The following DCC variants were observed in gnomAD, a reference collection of about 807,000 sequenced individuals.
The protein encoded by DCC is netrin receptor DCC.
DCC carries 58 observed loss-of-function variants against 172.5 expected under a neutral mutation model. The observed-to-expected ratio is 0.34, with a 90% CI of 0.27 to 0.42. The LOEUF is 0.42. DCC is among the 10% of genes least tolerant of loss of function. The pLI is 1.00. For synonymous variants in DCC, 709 were observed against 644.5 expected, an observed-to-expected ratio of 1.10 and a Z score of -1.52; for missense variants, 1,740 against 1,791.0, an observed-to-expected ratio of 0.97 and a Z score of 0.51.
intron 5 of DCC, among the ~76,000 whole-genome samples, chr18:52,943,996 G>T (rs1365124238): frequency 7.2e-5 from 11 of 152,128 alleles, no homozygotes; most frequent in Admixed American, 7.2e-4. Context: ...AACCTCAAGT[G>T]ATCTGCCTTC....
chr18:52,625,155 GATA>G (rs1313382435), intron 1 of DCC, among the ~76,000 whole-genome samples: 2 of 152,082 alleles, frequency 1.3e-5, no homozygotes, highest in Admixed American at 6.5e-5. Flanking sequence ...AAAAATACAT[GATA>G]ATAATCTTAT....
chr18:53,108,717 C>G (rs1025509329), intron 7 of DCC, among the ~76,000 whole-genome samples: 1 of 151,448 alleles, frequency 6.6e-6, no homozygotes, highest in South Asian at 2.1e-4. Context: ...GCCTTTTTTT[C>G]TGGGCATTCT....
intron 1 of DCC, among the ~76,000 whole-genome samples, chr18:52,715,477 A>G (rs1211028666): frequency 6.6e-6 from 1 of 151,864 alleles, no homozygotes; most frequent in Non-Finnish European, 1.5e-5. Context: ...TTTTTTAAAT[A>G]TATTTTTAGT....
chr18:53,464,747 G>A (rs1402903920), intron 24 of DCC, among the ~76,000 whole-genome samples: 8 of 151,760 alleles, frequency 5.3e-5, no homozygotes, highest in Admixed American at 2.0e-4. Context: ...TTGGGAGGCC[G>A]AGGTGTGCGG....
intron 1 of DCC, among the ~76,000 whole-genome samples, chr18:52,695,114 TCTCTTTTCTTGC>T (rs2035991792): frequency 6.6e-6 from 1 of 152,182 alleles, no homozygotes; most frequent in Non-Finnish European, 1.5e-5. Flanking sequence ...ATTTCGTAGG[TCTCTTTTCTTGC>T]CTCTCATTCT....
intron 1 of DCC, among the ~76,000 whole-genome samples, chr18:52,629,463 G>T (rs1360468607): frequency 6.6e-6 from 1 of 152,050 alleles, no homozygotes. Flanking sequence ...GGTGGATTAG[G>T]GGGAGCAACT....
chr18:52,633,890 T>TGTAAC (rs1487690140), intron 1 of DCC, among the ~76,000 whole-genome samples: 1 of 152,216 alleles, frequency 6.6e-6, no homozygotes, highest in African/African-American at 2.4e-5. Context: ...AAGAGAGTGC[T>TGTAAC]GTAACGCTAG....
At chr18:53,494,990 A>C (rs2879567) in intron 26 of DCC, among the ~76,000 whole-genome samples, 50,972 of 152,032 alleles carry the variant, frequency 0.34, 10,638 homozygotes, top group Non-Finnish European at 0.48. Context: ...CTTGTAAGGC[A>C]GGCCTGGTGG....
At chr18:53,156,344 C>T (rs537431761) in intron 7 of DCC, among the ~76,000 whole-genome samples, 5 of 151,642 alleles carry the variant, frequency 3.3e-5, no homozygotes, top group South Asian at 2.1e-4. Flanking sequence ...ATTAGCCAGG[C>T]GTGGGGGCAC....
rs572822462 is a variant in DCC at position 53,026,134 on chromosome 18, C to T, written c.986-37171C>T. On this transcript the variant is annotated intron_variant, in intron 5 of 28. Coordinates refer to ENST00000442544, the MANE Select transcript of DCC (RefSeq NM_005215.4). ...TGAAGTCCTCCCCTACTCCATAAGTCTATGGAGAATTTTTATTAGTGTAAT... is the reference window on the plus strand; with the variant it reads ...TGAAGTCCTCCCCTACTCCATAAGTTTATGGAGAATTTTTATTAGTGTAAT... Among the ~76,000 whole-genome samples the T allele has an allele frequency of 4.0e-5, 6 of 151,808 alleles. No homozygotes were observed. The Middle Eastern group carries it at 0.017, about 433-fold the overall frequency.
Position 52,844,768 on chromosome 18 carries a change from AGTCTTGT to A in DCC, c.413-61274_413-61268del, listed in dbSNP as rs202048344. ...TATATTGCTTCTTTTATTCATGACC[AGTCTTGT>A]GAACTTAGAGAAAGGTAGGGCTTCC... is the stretch of plus-strand genomic sequence containing the variant. On this transcript the variant is annotated intron_variant, in intron 2 of 28. Coordinates refer to ENST00000442544, the MANE Select transcript of DCC (RefSeq NM_005215.4). Among the ~76,000 whole-genome samples, 1,511 of 152,334 alleles carry A rather than the reference AGTCTTGT, an allele frequency of 9.9e-3. 17 individuals are homozygous for A. The highest frequency in any genetic ancestry group is 0.013 in the Non-Finnish European group (891 of 68,026).
At chr18:52,852,579 C>A (rs1053890566) in intron 2 of DCC, among the ~76,000 whole-genome samples, 1 of 151,538 alleles carries the variant, frequency 6.6e-6, no homozygotes, top group African/African-American at 2.4e-5. Context: ...GATTATGTAT[C>A]AAACCCAGTT....
chr18:52,578,086 T>A (rs1306446530), intron 1 of DCC, among the ~76,000 whole-genome samples: 1 of 152,210 alleles, frequency 6.6e-6, no homozygotes, highest in African/African-American at 2.4e-5. Context: ...TCTAAAGCAA[T>A]TTTGCTATTC....
intron 1 of DCC, among the ~76,000 whole-genome samples, chr18:52,459,053 CT>C (rs931246071): frequency 1.3e-5 from 2 of 150,922 alleles, no homozygotes; most frequent in Admixed American, 6.6e-5. Context: ...TAAATTAGTT[CT>C]TTTTTTTTGC....
chr18:52,922,433 G>A (rs935896640), intron 3 of DCC, among the ~76,000 whole-genome samples: 1 of 152,102 alleles, frequency 6.6e-6, no homozygotes. Flanking sequence ...TTGACCACCA[G>A]CAGCTCATGC....
intron 5 of DCC, among the ~76,000 whole-genome samples, chr18:53,022,462 A>G (rs2041894073): frequency 6.6e-6 from 1 of 152,048 alleles, no homozygotes; most frequent in African/African-American, 2.4e-5. Context: ...GGAACATAGC[A>G]CTTAATAAGT....
intron 5 of DCC, among the ~76,000 whole-genome samples, chr18:52,998,660 T>C (rs757100144): frequency 2.6e-5 from 4 of 152,058 alleles, no homozygotes; most frequent in Non-Finnish European, 5.9e-5. Context: ...TTTATGAAAC[T>C]CTAGAGAAAA....
At chr18:52,933,273 C>T (rs937486342) in intron 5 of DCC, among the ~76,000 whole-genome samples, 23 of 151,954 alleles carry the variant, frequency 1.5e-4, no homozygotes, top group African/African-American at 5.6e-4. Context: ...GAAGATATGA[C>T]ACAGATCCAA....
At chr18:52,642,073 TATATATAC>T (rs1568269805) in intron 1 of DCC, among the ~76,000 whole-genome samples, 21 of 8,170 alleles carry the variant, frequency 2.6e-3, no homozygotes, top group African/African-American at 3.6e-3. Flanking sequence ...TATATATATA[TATATATAC>T]ACACACACAC....
Sources: allele counts gnomAD v4.1 joint callset (sites outside exome capture counted in the v4.1 genomes callset), GRCh38; gene constraint gnomAD v4.1.1; transcripts MANE v1.5; gene names NCBI Gene and HGNC (gene_info 2026-07-23, HGNC 2026-07-21).